AKAP13: variants seen among roughly 807,000 people sequenced by gnomAD.
The protein encoded by AKAP13 is A-kinase anchor protein 13.
A neutral mutation model predicts 264.5 loss-of-function variants in AKAP13; 80 were observed. The observed-to-expected ratio is 0.30, with a 90% CI of 0.25 to 0.36. The LOEUF (loss-of-function observed/expected upper bound fraction) is 0.36, where lower values mean the gene tolerates loss of function less well. Among genes scored for constraint, AKAP13 ranks in the 10% least tolerant of loss-of-function variants. The pLI is 1.00. For synonymous variants in AKAP13, 1,380 were observed against 1,250.2 expected (o/e 1.10, Z -2.19); for missense variants, 3,712 against 3,435.2 (o/e 1.08, Z -2.01).
intron 5 of AKAP13, among the ~76,000 whole-genome samples, chr15:85,560,437 G>A (rs1413954136): frequency 2.6e-5 from 4 of 152,052 alleles, no homozygotes; most frequent in African/African-American, 9.7e-5. Flanking sequence ...GTGAGTCACT[G>A]CACCCAGCCT....
chr15:85,419,299 C>T (rs916142283), intron 1 of AKAP13, among the ~76,000 whole-genome samples: 1 of 152,156 alleles, frequency 6.6e-6, no homozygotes, highest in African/African-American at 2.4e-5. Flanking sequence ...TTATAAAATG[C>T]TCTCCTTTTG....
At position 85,735,313 on chromosome 15, in the gene AKAP13, T is replaced by C. The variant is rs867709522; in HGVS notation, c.7441+163T>C. 7.9e-5 allele frequency among the ~76,000 whole-genome samples: 12 copies of C among 152,342 alleles called. 1 individual carries two copies. The South Asian group carries it at 2.3e-3, about 29-fold the overall frequency. On this transcript the variant is annotated intron_variant, in intron 31 of 36. Transcript: ENST00000394518. Reference sequence around the variant, plus strand: ...CTTGTCAGTCAGACTCATATTCATTTTGAGTAACAAAAAAGATTTTCCTAA... The same window carrying C: ...CTTGTCAGTCAGACTCATATTCATTCTGAGTAACAAAAAAGATTTTCCTAA...
At chr15:85,496,450 A>G (rs2075876174) in intron 2 of AKAP13, among the ~76,000 whole-genome samples, 2 of 152,186 alleles carry the variant, frequency 1.3e-5, no homozygotes, top group Non-Finnish European at 2.9e-5. Flanking sequence ...GATTAGGAGG[A>G]GGAGGTTTTA....
chr15:85,591,049 A>G (rs182822793), intron 8 of AKAP13, among the ~76,000 whole-genome samples: 5 of 152,326 alleles, frequency 3.3e-5, no homozygotes, highest in African/African-American at 4.8e-5. Flanking sequence ...ATTGAAAGAC[A>G]TGGAACTTGT....
chr15:85,747,091 G>A lies in AKAP13; in HGVS notation c.*2414G>A, dbSNP rs1423360550. ...GCCCAGACCCCACTCAAAACGATTTGGTCAGGTTCTGGTTGGACAAGTTTA... is the reference window on the plus strand; with the variant it reads ...GCCCAGACCCCACTCAAAACGATTTAGTCAGGTTCTGGTTGGACAAGTTTA... On this transcript the variant is annotated 3_prime_UTR_variant, in exon 37 of 37. Coordinates refer to ENST00000394518, the MANE Select transcript of AKAP13 (RefSeq NM_007200.5). 118 of 152,146 alleles carry A rather than the reference G, an allele frequency of 7.8e-4. 1 individual carries two copies. The highest frequency in any genetic ancestry group is 7.7e-3 in the Admixed American group (118 of 15,274). The allele number at this position is 152,146 out of a possible 1,614,324, so 9.4% of individuals were successfully genotyped here. A position where few individuals can be genotyped will look rare whatever the true frequency, so the allele number is the denominator to read the frequency against.
At chr15:85,597,091 T>G (rs1401096976) in intron 8 of AKAP13, among the ~76,000 whole-genome samples, 1 of 152,228 alleles carries the variant, frequency 6.6e-6, no homozygotes, top group Non-Finnish European at 1.5e-5. Context: ...ATCAAAAAAT[T>G]TGTAATGGAA....
intron 5 of AKAP13, among the ~76,000 whole-genome samples, chr15:85,548,453 G>A (rs1478769196): frequency 3.9e-5 from 6 of 152,034 alleles, no homozygotes; most frequent in Admixed American, 1.3e-4. Context: ...AACTGCTTAC[G>A]GATTAAAAGC....
rs575759030 is a variant in AKAP13, at chr15:85,664,459, A to T, written c.4800-104A>T. On this transcript the variant is annotated intron_variant, in intron 12 of 36. Coordinates refer to ENST00000394518, the MANE Select transcript of AKAP13 (RefSeq NM_007200.5). ...TAGACAGTTTTGCTAGCTGACATAG[A>T]AATAATACACAAACAAGGGAGATAT... 9.3e-6 allele frequency: 11 copies of T among 1,188,282 alleles called. No homozygotes were observed. The East Asian group carries it at 2.7e-4, about 29-fold the overall frequency. 73.6% of individuals were successfully genotyped at this position (1,188,282 alleles called of 1,614,324 possible). A position where few individuals can be genotyped will look rare whatever the true frequency, so the allele number is the denominator to read the frequency against.
rs1567175475 is a variant in AKAP13 at position 85,650,783 on chromosome 15, A to AAAAAAAAC, written c.4375-4631_4375-4624dup. Among the ~76,000 whole-genome samples the AAAAAAAAC allele has an allele frequency of 7.0e-5, 10 of 142,364 alleles. 1 individual carries two copies. Among genetic ancestry groups the AAAAAAAAC allele is most frequent in the South Asian group, 4.5e-4 (2 of 4,398 alleles). 93.4% of individuals were successfully genotyped at this position (142,364 alleles called of 152,430 possible). ...AAAAAAAAAAAAAAAAAAAAAAAAA[A>AAAAAAAAC]AAAAAAACAACAAAAACTGCAATTG... On this transcript the variant is annotated intron_variant, in intron 10 of 36. Coordinates refer to ENST00000394518, the MANE Select transcript of AKAP13 (RefSeq NM_007200.5).
At position 85,396,041 on chromosome 15, in the gene AKAP13, C is replaced by T. The variant is rs572573515; in HGVS notation, c.-12+15243C>T. On this transcript the variant is annotated intron_variant, in intron 1 of 36. Coordinates refer to ENST00000394518, the MANE Select transcript of AKAP13 (RefSeq NM_007200.5). ...ATACATACACACACACACACACACA[C>T]ACATACATATGCACACATAACATAC... Among the ~76,000 whole-genome samples, 3 of 151,766 alleles carry T rather than the reference C, an allele frequency of 2.0e-5. No individual in the cohort carries two copies. In the East Asian group the frequency reaches 5.8e-4, roughly 29 times the overall value.
Position 85,684,751 on chromosome 15 carries a change from G to C in AKAP13, c.5167G>C (p.Glu1723Gln). 6.2e-7 allele frequency: 1 copy of C among 1,611,828 alleles called. No individual in the cohort carries two copies. The highest frequency in any genetic ancestry group is 1.1e-5 in the South Asian group (1 of 90,850). ...SANLTESITE[E>Q]NYNFLPHSPS... The stretch of plus-strand genomic sequence containing the variant: ...CTTGTTTTTATTTAGTATAACAGAA[G>C]AGAACTATAATTTCCTGCCACATAG... The change falls in exon 16 of 37, where the codon GAG (glutamate) becomes CAG (glutamine). Residue 1723 changes from glutamate to glutamine, a missense_variant. Around this residue, in one of 3 missense-constraint regions of AKAP13, gnomAD observed 2,759 missense variants for 2,411.7 expected, o/e 1.14. Coordinates refer to ENST00000394518, the MANE Select transcript of AKAP13 (RefSeq NM_007200.5).
intron 3 of AKAP13, among the ~76,000 whole-genome samples, chr15:85,524,972 A>G (rs928232516): frequency 1.1e-4 from 16 of 151,882 alleles, no homozygotes; most frequent in African/African-American, 3.9e-4. Flanking sequence ...CCTCCTTTTT[A>G]AAAATAAAGT....
At chr15:85,530,166 C>A (rs1327588350) in intron 3 of AKAP13, among the ~76,000 whole-genome samples, 2 of 152,156 alleles carry the variant, frequency 1.3e-5, no homozygotes, top group African/African-American at 2.4e-5. Context: ...AGCACAACCC[C>A]CGCGCCCCAA....
chr15:85,409,822 G>T (rs1486224064), intron 1 of AKAP13, among the ~76,000 whole-genome samples: 1 of 151,058 alleles, frequency 6.6e-6, no homozygotes, highest in Non-Finnish European at 1.5e-5. Context: ...TAGTAGAGAC[G>T]GGGTTTCACC....
intron 8 of AKAP13, among the ~76,000 whole-genome samples, chr15:85,593,556 A>G (rs1368218425): frequency 6.7e-6 from 1 of 149,514 alleles, no homozygotes; most frequent in Non-Finnish European, 1.5e-5. Flanking sequence ...TTTAAATCAC[A>G]CATTCTTTAA....
At position 85,650,003 on chromosome 15, in the gene AKAP13, A is replaced by T. The variant is rs115171780; in HGVS notation, c.4374+4049A>T. Among the ~76,000 whole-genome samples, 624 of 152,314 alleles carry T rather than the reference A, an allele frequency of 4.1e-3. 5 individuals are homozygous for T. The highest frequency in any genetic ancestry group is 0.014 in the African/African-American group (593 of 41,558). ...AGATGTATCTACAATTGATTTAAAAAAATCAGAATGACTTATATAAGATAC... is the reference window on the plus strand; with the variant it reads ...AGATGTATCTACAATTGATTTAAAATAATCAGAATGACTTATATAAGATAC... On this transcript the variant is annotated intron_variant, in intron 10 of 36. Coordinates refer to ENST00000394518, the MANE Select transcript of AKAP13 (RefSeq NM_007200.5).
intron 8 of AKAP13, among the ~76,000 whole-genome samples, chr15:85,618,532 C>T (rs1180039679): frequency 6.6e-6 from 1 of 151,920 alleles, no homozygotes; most frequent in Non-Finnish European, 1.5e-5. Context: ...CATCCTTTTC[C>T]CTCCCAAATC....
intron 1 of AKAP13, among the ~76,000 whole-genome samples, chr15:85,426,077 C>T (rs1049648447): frequency 2.6e-5 from 4 of 152,198 alleles, no homozygotes; most frequent in African/African-American, 9.7e-5. Context: ...CTAATTCATC[C>T]AGACGAACTT....
intron 35 of AKAP13, among the ~76,000 whole-genome samples, chr15:85,743,276 C>T (rs78068218): frequency 0.01 from 1,574 of 152,116 alleles, 31 homozygotes; most frequent in African/African-American, 0.033. Context: ...GCATTAAAGG[C>T]GATATTTTTA....
Sources: gnomAD v4.1 joint callset for allele counts (sites outside exome capture counted in the v4.1 genomes callset) on GRCh38, gnomAD v4.1.1 for gene constraint, gnomAD v4.1.1 regional missense constraint, MANE v1.5 for transcripts, NCBI Gene and HGNC (gene_info 2026-07-23, HGNC 2026-07-21) for gene names.